PACRGL: variants seen among roughly 807,000 people sequenced by gnomAD.
The protein encoded by PACRGL is parkin coregulated like.
In PACRGL, 38 loss-of-function variants were observed where a neutral mutation model predicts 34.5. The observed-to-expected ratio is 1.10, with a 90% CI of 0.85 to 1.44. PACRGL has a LOEUF of 1.44. Among genes scored for constraint, PACRGL ranks in the 40% most tolerant of loss-of-function variants. PACRGL has a pLI of 0.00. For missense variants in PACRGL, 305 were observed against 281.4 expected (o/e 1.08, Z -0.60); for synonymous variants, 128 against 100.1 (o/e 1.28, Z -1.66).
rs117317618 is a variant in PACRGL at position 20,742,273 on chromosome 4, A to T, written c.*57-10292A>T. ...CCTAGCAGAGATACAACAAAAAAGAATTTTAGACCAATATCCCTGCTGAAC... is the reference window on the plus strand; with the variant it reads ...CCTAGCAGAGATACAACAAAAAAGATTTTTAGACCAATATCCCTGCTGAAC... On this transcript the variant is annotated intron_variant, in intron 8 of 8. Transcript: ENST00000507634. Among the ~76,000 whole-genome samples the T allele has an allele frequency of 2.3e-3, 355 of 152,298 alleles. 8 individuals carry two copies. The South Asian group carries it at 0.046, about 20-fold the overall frequency.
At chr4:20,715,775 G>A (rs1739640727) in intron 7 of PACRGL, among the ~76,000 whole-genome samples, 1 of 152,102 alleles carries the variant, frequency 6.6e-6, no homozygotes, top group Non-Finnish European at 1.5e-5. Context: ...TGAGACAGGA[G>A]AATTGCTTGA....
chr4:20,728,939 T>C lies in PACRGL; in HGVS notation c.*1598T>C, dbSNP rs182765734. On this transcript the variant is annotated 3_prime_UTR_variant, in exon 9 of 9. Coordinates refer to ENST00000503585, the MANE Select transcript of PACRGL (RefSeq NM_001258345.3). Reference sequence around the variant, plus strand: ...TAAGATGATTAAAAATAATCTGAATTATGATGAGCTAAATCATACTGTAAT... The same window carrying C: ...TAAGATGATTAAAAATAATCTGAATCATGATGAGCTAAATCATACTGTAAT... The C allele has an allele frequency of 2.0e-4, 30 of 152,236 alleles. No homozygotes were observed. The highest frequency in any genetic ancestry group is 1.7e-3 in the Admixed American group (26 of 15,278). 9.4% of individuals were successfully genotyped at this position (152,236 alleles called of 1,614,324 possible).
the PACRGL span, among the ~76,000 whole-genome samples, chr4:20,765,454 G>T: frequency 2.0e-5 from 3 of 152,164 alleles, no homozygotes; most frequent in Non-Finnish European, 4.4e-5. Flanking sequence ...AAAATTTATT[G>T]TGCATTGTAG....
chr4:20,708,002 C>A, intron 4 of PACRGL, 132 bp downstream of exon 4: 1 of 717,494 alleles, frequency 1.4e-6, no homozygotes, highest in Non-Finnish European at 2.3e-6. Context: ...TTTATTCACA[C>A]TTTCTTTTGG....
Position 20,727,408 on chromosome 4 carries a change from A to G in PACRGL, c.*67A>G. 7.8e-7 allele frequency: 1 copy of G among 1,286,922 alleles called. No homozygotes were observed. The allele number at this position is 1,286,922 out of a possible 1,614,324, so 79.7% of individuals were successfully genotyped here. A position where few individuals can be genotyped will look rare whatever the true frequency, so the allele number is the denominator to read the frequency against. On this transcript the variant is annotated 3_prime_UTR_variant, in exon 9 of 9. Coordinates refer to ENST00000503585, the MANE Select transcript of PACRGL (RefSeq NM_001258345.3). ...TGTCAAGCACTAACTGTGGGTACTC[A>G]TTTATTTTATTCTTTTGTAAATCAC...
chr4:20,721,194 C>T (rs1742956378), intron 7 of PACRGL, among the ~76,000 whole-genome samples: 1 of 152,124 alleles, frequency 6.6e-6, no homozygotes, highest in Non-Finnish European at 1.5e-5. Flanking sequence ...TTAAGGTCCT[C>T]TCTACACTGG....
At chr4:20,720,270 C>T (rs12511702) in intron 7 of PACRGL, among the ~76,000 whole-genome samples, 27,191 of 151,808 alleles carry the variant, frequency 0.18, 2,497 homozygotes, top group Middle Eastern at 0.25. Flanking sequence ...TGATGGGTCT[C>T]GACTCTTTAT....
chr4:20,761,508 T>C, the PACRGL span, among the ~76,000 whole-genome samples: 4 of 152,196 alleles, frequency 2.6e-5, no homozygotes, highest in South Asian at 2.1e-4. Context: ...ATTTATTGGC[T>C]ATTTAATGCT....
chr4:20,745,338 A>C (rs1752189525), intron 8 of PACRGL, among the ~76,000 whole-genome samples: 1 of 152,230 alleles, frequency 6.6e-6, no homozygotes, highest in African/African-American at 2.4e-5. Context: ...TTACATTAAA[A>C]GATAGCTATG....
At chr4:20,721,077 A>G (rs577294091) in intron 7 of PACRGL, among the ~76,000 whole-genome samples, 26 of 151,908 alleles carry the variant, frequency 1.7e-4, no homozygotes, top group Non-Finnish European at 2.9e-4. Context: ...CATTCATTTG[A>G]TCTTCAATCA....
intron 7 of PACRGL, among the ~76,000 whole-genome samples, chr4:20,720,817 C>T (rs1247644912): frequency 6.6e-6 from 1 of 152,100 alleles, no homozygotes; most frequent in East Asian, 1.9e-4. Context: ...AGTTGCTCTT[C>T]TCAAGAAGTA....
downstream of PACRGL, among the ~76,000 whole-genome samples, chr4:20,733,264 C>A (rs1351524886): frequency 6.6e-6 from 1 of 151,992 alleles, no homozygotes; most frequent in Non-Finnish European, 1.5e-5. Context: ...TGTATTTTTC[C>A]TACTGTGGCT....
chr4:20,756,422 T>C (rs1221000363), downstream of PACRGL, among the ~76,000 whole-genome samples: 1 of 152,162 alleles, frequency 6.6e-6, no homozygotes, highest in Non-Finnish European at 1.5e-5. Flanking sequence ...ATCCTAAAGC[T>C]ATTAACATCT....
the PACRGL span, among the ~76,000 whole-genome samples, chr4:20,762,606 T>G: frequency 6.6e-6 from 1 of 152,256 alleles, no homozygotes; most frequent in African/African-American, 2.4e-5. Flanking sequence ...CTATCAAGAA[T>G]GAATTTGGCC....
intron 7 of PACRGL, among the ~76,000 whole-genome samples, chr4:20,722,806 C>G (rs895387962): frequency 3.9e-5 from 6 of 152,164 alleles, no homozygotes; most frequent in African/African-American, 1.4e-4. Flanking sequence ...AAGGGCCAAA[C>G]TTTAGGCAAG....
chr4:20,734,080 C>G (rs188169024), downstream of PACRGL, among the ~76,000 whole-genome samples: 6 of 152,260 alleles, frequency 3.9e-5, no homozygotes, highest in South Asian at 4.1e-4. Flanking sequence ...GCCTGTCCTG[C>G]GTGGTTAACT....
intron 8 of PACRGL, chr4:20,752,469 G>A (rs1398433541): frequency 6.6e-6 from 1 of 152,068 alleles, no homozygotes; most frequent in South Asian, 2.1e-4. Flanking sequence ...TATTTCCTAG[G>A]CAAGCCACTT....
Position 20,727,651 on chromosome 4 carries a change from A to G in PACRGL, c.*310A>G, listed in dbSNP as rs906732971. Reference sequence around the variant, plus strand: ...TGTATTTTCTAGTGTCTTTTTATTTATAACAACACTTTTTTGGCAATCAGT... The same window carrying G: ...TGTATTTTCTAGTGTCTTTTTATTTGTAACAACACTTTTTTGGCAATCAGT... On this transcript the variant is annotated 3_prime_UTR_variant, in exon 9 of 9. Coordinates refer to ENST00000503585, the MANE Select transcript of PACRGL (RefSeq NM_001258345.3). 9.8e-6 allele frequency: 2 copies of G among 203,870 alleles called. No individual in the cohort carries two copies. Among genetic ancestry groups the G allele is most frequent in the Non-Finnish European group, 1.8e-5 (2 of 110,418 alleles). The allele number at this position is 203,870 out of a possible 1,614,324, so 12.6% of individuals were successfully genotyped here. A position where few individuals can be genotyped will look rare whatever the true frequency, so the allele number is the denominator to read the frequency against.
intron 5 of PACRGL, 63 bp from the exon 6 acceptor site, chr4:20,712,725 A>C (rs1300236701): frequency 7.6e-7 from 1 of 1,317,316 alleles, no homozygotes; most frequent in Non-Finnish European, 9.8e-7. Context: ...TAAAGACTCA[A>C]TTTTTCTGTT....
Sources: gnomAD v4.1 joint callset for allele counts (sites outside exome capture counted in the v4.1 genomes callset) on GRCh38, gnomAD v4.1.1 for gene constraint, MANE v1.5 for transcripts, NCBI Gene and HGNC (gene_info 2026-07-23, HGNC 2026-07-21) for gene names.